The following TMEM181 variants were observed in gnomAD, a reference collection of about 807,000 sequenced individuals.
TMEM181 encodes the protein G protein-coupled receptor 178.
In TMEM181, 39 loss-of-function variants were observed where a neutral mutation model predicts 71.9. That is an observed-to-expected ratio of 0.54 (90% CI 0.42 to 0.71). The LOEUF (loss-of-function observed/expected upper bound fraction) is 0.71, where lower values mean the gene tolerates loss of function less well. Among genes scored for constraint, TMEM181 ranks in the 30% least tolerant of loss-of-function variants. The probability of loss-of-function intolerance (pLI) is 0.00; values close to 1 mark genes in which losing one functional copy is unlikely to be tolerated. For synonymous variants in TMEM181, 245 were observed against 228.8 expected, an observed-to-expected ratio of 1.07 and a Z score of -0.64; for missense variants, 595 against 583.0, an observed-to-expected ratio of 1.02 and a Z score of -0.21.
At chr6:158,606,662 T>C (rs1583023346) in intron 7 of TMEM181, among the ~76,000 whole-genome samples, 2 of 152,370 alleles carry the variant, frequency 1.3e-5, no homozygotes, top group East Asian at 3.9e-4. Context: ...AAGAAACTTA[T>C]TCCATGGGCC....
At chr6:158,552,351 C>T (rs965977865) in intron 1 of TMEM181, among the ~76,000 whole-genome samples, 5 of 152,184 alleles carry the variant, frequency 3.3e-5, no homozygotes, top group Admixed American at 6.5e-5. Flanking sequence ...AAGGTACTTA[C>T]ATTTAATCAG....
In TMEM181 at chr6:158,633,585, G is replaced by A. The variant is rs185330620; in HGVS notation, c.*1697G>A. 7 of 148,350 alleles carry A rather than the reference G, an allele frequency of 4.7e-5. No homozygotes were observed. Among genetic ancestry groups the A allele is most frequent in the East Asian group, 3.9e-4 (2 of 5,188 alleles). 9.2% of individuals were successfully genotyped at this position (148,350 alleles called of 1,614,324 possible). On this transcript the variant is annotated 3_prime_UTR_variant, in exon 17 of 17. Transcript: ENST00000684151. ...TGCAGAGCTTCACGTTATCATCCACGTTAAGTAGTGCTAGGTAGGACCTTA... is the reference window on the plus strand; with the variant it reads ...TGCAGAGCTTCACGTTATCATCCACATTAAGTAGTGCTAGGTAGGACCTTA...
chr6:158,585,323 C>A lies in TMEM181; in HGVS notation c.279C>A (p.Ser93Arg). 1.2e-6 allele frequency: 2 copies of A among 1,604,502 alleles called. No homozygotes were observed. Among genetic ancestry groups the A allele is most frequent in the Admixed American group, 1.8e-5 (1 of 56,988 alleles). ...DQSKETSIKT[S>R]FPMTVKVDGV... is the part of the protein sequence containing the mutation. Reference sequence around the variant, plus strand: ...TTGTAGAAACTTCTATTAAGACAAGCTTTCCCATGACTGTTAAAGTCGATG... The same window carrying A: ...TTGTAGAAACTTCTATTAAGACAAGATTTCCCATGACTGTTAAAGTCGATG... The change falls in exon 5 of 17, where the codon AGC becomes AGA. Residue 93 changes from serine to arginine, a missense_variant. Physicochemically the swap from Ser to Arg is moderately radical, Grantham distance 110. Transcript: ENST00000684151.
intron 2 of TMEM181, among the ~76,000 whole-genome samples, chr6:158,576,338 C>G (rs893731774): frequency 2.0e-5 from 3 of 152,172 alleles, no homozygotes; most frequent in Non-Finnish European, 2.9e-5. Context: ...CATCTGTGCT[C>G]TGATCACTGA....
intron 13 of TMEM181, chr6:158,626,419 T>G (rs867910182): frequency 4.4e-6 from 2 of 456,584 alleles, no homozygotes; most frequent in African/African-American, 4.0e-5. Context: ...TAGCTGCTGC[T>G]TGCCTTTTTA....
At chr6:158,536,717 C>A in exon 1 of TMEM181, 1 of 1,555,782 alleles carries the variant, frequency 6.4e-7, no homozygotes, top group Middle Eastern at 1.9e-4. Context: ...GGGACCGGGA[C>A]CCGGGAGGCT....
chr6:158,572,136 A>G (rs111365422), intron 1 of TMEM181, among the ~76,000 whole-genome samples: 5 of 152,348 alleles, frequency 3.3e-5, no homozygotes, highest in East Asian at 3.9e-4. Flanking sequence ...TATCAGAGCT[A>G]CGTCGCAGAG....
chr6:158,601,847 A>G (rs952069332), intron 6 of TMEM181, among the ~76,000 whole-genome samples: 1 of 152,148 alleles, frequency 6.6e-6, no homozygotes, highest in Non-Finnish European at 1.5e-5. Flanking sequence ...GAAAATCTGA[A>G]GTTTCTTGAG....
At chr6:158,631,455 G>C in intron 16 of TMEM181, 66 bp downstream of exon 16, 1 of 1,502,170 alleles carries the variant, frequency 6.7e-7, no homozygotes, top group Non-Finnish European at 9.3e-7. Flanking sequence ...GCATGTTTCT[G>C]AATGGGTTAC....
rs1263945682 is a variant in TMEM181 at position 158,625,182 on chromosome 6, G to C, written c.1033G>C (p.Glu345Gln). 1.2e-5 allele frequency: 19 copies of C among 1,614,018 alleles called. No homozygotes were observed. Among genetic ancestry groups the C allele is most frequent in the African/African-American group, 2.7e-5 (2 of 74,918 alleles). Residue 345 changes from glutamate to glutamine, a missense_variant, in exon 12 of 17, where the codon GAG (glutamate) becomes CAG (glutamine). Transcript: ENST00000684151. ...LLFLIVRACS[E>Q]LRHMPYVDLR... ...GTTCTTGATAGTGCGGGCGTGTTCC[G>C]AGCTACGTCACATGCCTTATGTGGG...
intron 10 of TMEM181, among the ~76,000 whole-genome samples, chr6:158,619,003 G>A (rs1257524433): frequency 2.0e-5 from 3 of 152,136 alleles, no homozygotes; most frequent in Non-Finnish European, 2.9e-5. Context: ...TCTTTGTGGC[G>A]TTCTCTGTAT....
chr6:158,618,846 T>G (rs1785781113), intron 10 of TMEM181, among the ~76,000 whole-genome samples: 2 of 152,248 alleles, frequency 1.3e-5, no homozygotes, highest in South Asian at 4.1e-4. Context: ...GTAGAGTTTC[T>G]GCTGAGAGAT....
At chr6:158,540,215 C>G (rs1781291156) in intron 1 of TMEM181, among the ~76,000 whole-genome samples, 2 of 152,224 alleles carry the variant, frequency 1.3e-5, no homozygotes, top group Admixed American at 6.5e-5. Flanking sequence ...ATCTCCGTAT[C>G]TACACCCCAC....
chr6:158,583,175 G>C (rs1783571547), intron 3 of TMEM181, among the ~76,000 whole-genome samples: 2 of 152,224 alleles, frequency 1.3e-5, no homozygotes, highest in South Asian at 2.1e-4. Context: ...AGAGGTTGCA[G>C]TGAGCCGAGA....
chr6:158,606,710 G>A (rs1237786657), intron 7 of TMEM181, among the ~76,000 whole-genome samples: 1 of 152,170 alleles, frequency 6.6e-6, no homozygotes, highest in Non-Finnish European at 1.5e-5. Context: ...GAAAAGAAAC[G>A]CATCCTCTGA....
chr6:158,631,664 G>A (rs553948423), intron 16 of TMEM181, 146 bp from the exon 17 acceptor site: 2 of 957,094 alleles, frequency 2.1e-6, no homozygotes, highest in Non-Finnish European at 3.2e-6. Flanking sequence ...GGGAGAGGAG[G>A]ACGGGGTGAG....
intron 1 of TMEM181, among the ~76,000 whole-genome samples, chr6:158,546,953 C>T (rs1471476011): frequency 6.6e-6 from 1 of 151,500 alleles, no homozygotes; most frequent in Admixed American, 6.6e-5. Context: ...CAGCGAGACT[C>T]CATCTCAAAA....
intron 4 of TMEM181, 103 bp from the exon 5 acceptor site, chr6:158,585,201 A>T: frequency 1.5e-6 from 2 of 1,317,160 alleles, no homozygotes; most frequent in Non-Finnish European, 2.0e-6. Flanking sequence ...TAAGGACCTT[A>T]AGCGTTTTCC....
intron 13 of TMEM181, among the ~76,000 whole-genome samples, 199 bp downstream of exon 13, chr6:158,625,953 C>T (rs1003707807): frequency 6.6e-6 from 1 of 152,142 alleles, no homozygotes. Flanking sequence ...TGTAAGCGGC[C>T]GAGGACTGGA....
Sources: gnomAD v4.1 joint callset for allele counts (sites outside exome capture counted in the v4.1 genomes callset) on GRCh38, gnomAD v4.1.1 for gene constraint, MANE v1.5 for transcripts, NCBI Gene and HGNC (gene_info 2026-07-23, HGNC 2026-07-21) for gene names.